ARNT2: variants seen among roughly 807,000 people sequenced by gnomAD.
The protein encoded by ARNT2 is ARNT protein 2.
Under a neutral mutation model 91.7 loss-of-function variants are expected in ARNT2, and 36 were observed. The ratio of observed to expected loss-of-function variants is 0.39; its 90% CI spans 0.30 to 0.52. The LOEUF is 0.52. Among genes scored for constraint, ARNT2 ranks in the 20% least tolerant of loss-of-function variants. ARNT2 has a pLI of 0.72. For missense variants in ARNT2, 775 were observed against 939.3 expected, an observed-to-expected ratio of 0.83 and a Z score of 2.29; for synonymous variants, 365 against 347.1, an observed-to-expected ratio of 1.05 and a Z score of -0.57.
chr15:80,569,181 TACTC>T (rs939481797), intron 12 of ARNT2, among the ~76,000 whole-genome samples: 33 of 152,218 alleles, frequency 2.2e-4, no homozygotes, highest in African/African-American at 7.5e-4. Flanking sequence ...CTTGCTCACT[TACTC>T]AGGCTGAGTA....
chr15:80,533,907 C>T (rs2141443902), intron 8 of ARNT2, among the ~76,000 whole-genome samples: 1 of 152,352 alleles, frequency 6.6e-6, no homozygotes, highest in South Asian at 2.1e-4. Context: ...CTGATGTCCT[C>T]TTTTCACCTC....
chr15:80,545,047 G>A (rs1367318654), intron 8 of ARNT2, among the ~76,000 whole-genome samples: 4 of 152,196 alleles, frequency 2.6e-5, no homozygotes, highest in Admixed American at 2.6e-4. Context: ...TCATGAGGGT[G>A]TTGGGCTCAG....
intron 1 of ARNT2, among the ~76,000 whole-genome samples, chr15:80,408,992 C>T (rs148014424): frequency 6.6e-6 from 1 of 152,052 alleles, no homozygotes; most frequent in African/African-American, 2.4e-5. Context: ...CCCCTGCCCC[C>T]ACACATGCAC....
intron 8 of ARNT2, among the ~76,000 whole-genome samples, chr15:80,546,930 TCCAG>T (rs1215558794): frequency 6.7e-6 from 1 of 150,190 alleles, no homozygotes; most frequent in Non-Finnish European, 1.5e-5. Flanking sequence ...GCCATTGCAC[TCCAG>T]CCTGGGCGAC....
At chr15:80,519,298 G>A (rs773340552) in intron 8 of ARNT2, among the ~76,000 whole-genome samples, 1 of 152,188 alleles carries the variant, frequency 6.6e-6, no homozygotes, top group African/African-American at 2.4e-5. Flanking sequence ...AAGGGAAAAG[G>A]GTGGATATGG....
At chr15:80,458,196 A>C (rs1210773622) in intron 3 of ARNT2, among the ~76,000 whole-genome samples, 1 of 151,960 alleles carries the variant, frequency 6.6e-6, no homozygotes, top group African/African-American at 2.4e-5. Flanking sequence ...TAAGTTATTA[A>C]CTCTGTTTGC....
chr15:80,552,071 G>T (rs147282398), intron 9 of ARNT2, among the ~76,000 whole-genome samples: 31 of 152,334 alleles, frequency 2.0e-4, no homozygotes, highest in Non-Finnish European at 3.8e-4. Flanking sequence ...CCATGCTGAA[G>T]AGGAGAGACA....
chr15:80,468,115 CTTCCCT>C (rs1896683317), intron 3 of ARNT2, among the ~76,000 whole-genome samples: 1 of 152,152 alleles, frequency 6.6e-6, no homozygotes. Context: ...AGTATATGCC[CTTCCCT>C]ACCAGAGTGG....
intron 3 of ARNT2, among the ~76,000 whole-genome samples, chr15:80,466,031 A>G (rs954389669): frequency 6.6e-6 from 1 of 152,208 alleles, no homozygotes; most frequent in African/African-American, 2.4e-5. Context: ...TGCTCCAGGT[A>G]TACCATGTCT....
At chr15:80,414,403 T>C (rs1214893590) in intron 1 of ARNT2, among the ~76,000 whole-genome samples, 1 of 152,146 alleles carries the variant, frequency 6.6e-6, no homozygotes, top group Admixed American at 6.5e-5. Context: ...TGTAGGCCTC[T>C]GGACAGTGGC....
chr15:80,445,379 G>A (rs1289235148), intron 1 of ARNT2, among the ~76,000 whole-genome samples: 1 of 150,314 alleles, frequency 6.7e-6, no homozygotes, highest in Non-Finnish European at 1.5e-5. Flanking sequence ...GGAGTGTGTA[G>A]GGTGTGTGCA....
At chr15:80,425,775 T>C (rs1322107332) in intron 1 of ARNT2, among the ~76,000 whole-genome samples, 1 of 152,092 alleles carries the variant, frequency 6.6e-6, no homozygotes, top group African/African-American at 2.4e-5. Flanking sequence ...GGGCCAGGCA[T>C]AGTAGCTCAT....
intron 1 of ARNT2, among the ~76,000 whole-genome samples, chr15:80,423,005 T>C (rs1895881363): frequency 6.6e-6 from 1 of 152,232 alleles, no homozygotes; most frequent in African/African-American, 2.4e-5. Context: ...TCATACTTTA[T>C]ATTATGTAGT....
intron 1 of ARNT2, among the ~76,000 whole-genome samples, chr15:80,413,927 A>G (rs1386827022): frequency 6.6e-6 from 1 of 152,218 alleles, no homozygotes; most frequent in Non-Finnish European, 1.5e-5. Context: ...CAGCAGTTAA[A>G]AAAGCCACTG....
intron 1 of ARNT2, among the ~76,000 whole-genome samples, chr15:80,447,163 C>CA (rs1896318375): frequency 3.3e-5 from 5 of 151,904 alleles, no homozygotes; most frequent in Admixed American, 3.3e-4. Context: ...CACACACACA[C>CA]CCTTCCTCTC....
intron 1 of ARNT2, among the ~76,000 whole-genome samples, chr15:80,445,896 C>T (rs185939606): frequency 4.4e-3 from 664 of 152,188 alleles, no homozygotes; most frequent in Non-Finnish European, 7.6e-3. Flanking sequence ...CCCCCTCTGC[C>T]CCTCTGATCT....
chr15:80,536,423 C>T (rs1234682709), intron 8 of ARNT2, among the ~76,000 whole-genome samples: 3 of 152,124 alleles, frequency 2.0e-5, no homozygotes, highest in Non-Finnish European at 4.4e-5. Flanking sequence ...TGCGATGTTG[C>T]CTGCCCCTTA....
chr15:80,520,398 C>A (rs1172812223), intron 8 of ARNT2, among the ~76,000 whole-genome samples: 1 of 152,012 alleles, frequency 6.6e-6, no homozygotes, highest in African/African-American at 2.4e-5. Flanking sequence ...GTAAATGTGG[C>A]AGAATGTTAA....
intron 6 of ARNT2, among the ~76,000 whole-genome samples, chr15:80,512,512 G>A (rs1897359482): frequency 6.6e-6 from 1 of 152,214 alleles, no homozygotes; most frequent in African/African-American, 2.4e-5. Context: ...AGCAGCAGGG[G>A]CAAGCTGGGC....
Sources: gnomAD v4.1 joint callset for allele counts (sites outside exome capture counted in the v4.1 genomes callset) on GRCh38, gnomAD v4.1.1 for gene constraint, MANE v1.5 for transcripts, NCBI Gene and HGNC (gene_info 2026-07-23, HGNC 2026-07-21) for gene names.